Variants in CCDC141 observed in about 807,000 individuals in gnomAD.
CCDC141 encodes the protein coiled-coil domain-containing protein 141.
Under a neutral mutation model 181.0 loss-of-function variants are expected in CCDC141, and 168 were observed. The observed-to-expected ratio is 0.93, with a 90% confidence interval of 0.82 to 1.05. The LOEUF (loss-of-function observed/expected upper bound fraction) is 1.05. Ranked by LOEUF, CCDC141 falls within the 50% of genes least tolerant of loss-of-function variation. CCDC141 has a pLI of 0.00. For missense variants in CCDC141, 1,902 were observed against 1,788.5 expected (o/e 1.06, Z -1.14); for synonymous variants, 666 against 642.3 (o/e 1.04, Z -0.56).
chr2:179,016,043 C>G (rs1442081846), intron 2 of CCDC141, among the ~76,000 whole-genome samples: 1 of 149,022 alleles, frequency 6.7e-6, no homozygotes, highest in Non-Finnish European at 1.5e-5. Context: ...ACAGCATTCA[C>G]AATGACCTGG....
At chr2:178,888,431 G>T in intron 9 of CCDC141, 96 bp downstream of exon 9, 1 of 1,114,532 alleles carries the variant, frequency 9.0e-7, no homozygotes, top group Non-Finnish European at 1.3e-6. Flanking sequence ...AGCCTAAGGA[G>T]ACATGCCCCT....
chr2:179,030,697 A>G (rs1180748285), intron 2 of CCDC141, among the ~76,000 whole-genome samples: 2 of 152,106 alleles, frequency 1.3e-5, no homozygotes, highest in Non-Finnish European at 2.9e-5. Flanking sequence ...TAGTTACTAC[A>G]TACATATACA....
At chr2:179,048,554 G>A (rs1054883329) in intron 1 of CCDC141, among the ~76,000 whole-genome samples, 1 of 152,136 alleles carries the variant, frequency 6.6e-6, no homozygotes, top group Non-Finnish European at 1.5e-5. Flanking sequence ...TGAGGAAATG[G>A]AAAGTTAACT....
intron 8 of CCDC141, among the ~76,000 whole-genome samples, chr2:178,898,168 T>A (rs1024911514): frequency 6.6e-6 from 1 of 152,210 alleles, no homozygotes; most frequent in Non-Finnish European, 1.5e-5. Flanking sequence ...AATGTATGTT[T>A]CATAAGACTG....
intron 2 of CCDC141, chr2:179,002,811 T>G (rs1440522659): frequency 1.3e-5 from 2 of 153,314 alleles, no homozygotes; most frequent in African/African-American, 4.8e-5. Flanking sequence ...CAGACTACAC[T>G]CCCCAGAAAG....
intron 11 of CCDC141, among the ~76,000 whole-genome samples, chr2:178,883,051 T>A (rs1439627988): frequency 6.6e-6 from 1 of 152,200 alleles, no homozygotes; most frequent in Non-Finnish European, 1.5e-5. Flanking sequence ...ATGTTTTGAT[T>A]AAATTGTTGT....
intron 2 of CCDC141, among the ~76,000 whole-genome samples, chr2:179,037,197 C>T (rs1190330675): frequency 6.6e-6 from 1 of 152,182 alleles, no homozygotes; most frequent in African/African-American, 2.4e-5. Flanking sequence ...GAGGCTTCCC[C>T]AGTCTCACCA....
intron 4 of CCDC141, among the ~76,000 whole-genome samples, chr2:178,969,513 A>C (rs1690788670): frequency 6.6e-6 from 1 of 152,234 alleles, no homozygotes; most frequent in Non-Finnish European, 1.5e-5. Flanking sequence ...AACAGAACCA[A>C]TGACAAAAAA....
At chr2:178,896,304 A>T (rs1014053666) in intron 8 of CCDC141, among the ~76,000 whole-genome samples, 2 of 152,008 alleles carry the variant, frequency 1.3e-5, no homozygotes, top group Non-Finnish European at 2.9e-5. Flanking sequence ...CCCTTCTCTG[A>T]AGAAGTGACC....
Position 179,015,551 on chromosome 2 carries a change from C to CATATATCTTATATGATATAT in CCDC141, c.225+31732_225+31733insATATATCATATAAGATATAT, listed in dbSNP as rs151332465. ...TCTCATATATATGATATATATATCT[C>CATATATCTTATATGATATAT]ATATCTCATATATATCTCATATATC... On this transcript the variant is annotated intron_variant, in intron 2 of 23. Coordinates refer to ENST00000443758, the MANE Select transcript of CCDC141 (RefSeq NM_173648.4). Among the ~76,000 whole-genome samples the CATATATCTTATATGATATAT allele has an allele frequency of 9.3e-5, 3 of 32,394 alleles. No individual in the cohort carries two copies. In the East Asian group the frequency reaches 3.0e-3, roughly 32 times the overall value. 21.3% of individuals were successfully genotyped at this position (32,394 alleles called of 152,430 possible). A position where few individuals can be genotyped will look rare whatever the true frequency, so the allele number is the denominator to read the frequency against.
At chr2:178,858,073 G>A (rs1196874457) in intron 17 of CCDC141, among the ~76,000 whole-genome samples, 1 of 151,922 alleles carries the variant, frequency 6.6e-6, no homozygotes, top group Non-Finnish European at 1.5e-5. Flanking sequence ...TAGTTTATAT[G>A]GTAAATAAAG....
intron 6 of CCDC141, among the ~76,000 whole-genome samples, chr2:178,939,499 C>CT (rs1430167583): frequency 6.6e-6 from 1 of 151,978 alleles, no homozygotes; most frequent in African/African-American, 2.4e-5. Context: ...CACTTTCTAC[C>CT]TTTTTTGGAT....
At chr2:178,822,584 G>C in the CCDC141 span, among the ~76,000 whole-genome samples, 1 of 152,062 alleles carries the variant, frequency 6.6e-6, no homozygotes. Context: ...TATAAAATTA[G>C]TGTTCCACTA....
In CCDC141 at chr2:178,871,007, C is replaced by G. The variant is rs148677060; in HGVS notation, c.2205+420G>C. 3.8e-3 allele frequency among the ~76,000 whole-genome samples: 576 copies of G among 152,158 alleles called. 5 individuals are homozygous for G. Among genetic ancestry groups the G allele is most frequent in the African/African-American group, 0.013 (537 of 41,522 alleles). On this transcript the variant is annotated intron_variant, in intron 14 of 23. Transcript: ENST00000443758. ...TGCCTGGGGTGCTGGTGGGTGAGGA[C>G]AGTGACATAACAGTGGTCACCTCAG...
chr2:178,846,923 A>G (rs1170358307), intron 21 of CCDC141, among the ~76,000 whole-genome samples: 1 of 152,212 alleles, frequency 6.6e-6, no homozygotes, highest in Non-Finnish European at 1.5e-5. Context: ...GGAATTGCTG[A>G]GCCCATTTTC....
intron 2 of CCDC141, among the ~76,000 whole-genome samples, chr2:179,046,115 T>A (rs2043489807): frequency 6.6e-6 from 1 of 152,206 alleles, no homozygotes; most frequent in African/African-American, 2.4e-5. Flanking sequence ...AAGAAAACAG[T>A]AATATTAAAG....
At chr2:178,915,197 G>A (rs1429142014) in intron 7 of CCDC141, among the ~76,000 whole-genome samples, 1 of 151,542 alleles carries the variant, frequency 6.6e-6, no homozygotes, top group Admixed American at 6.6e-5. Context: ...AAGAAAGAAA[G>A]AAAATGAAAG....
intron 2 of CCDC141, among the ~76,000 whole-genome samples, chr2:179,046,071 A>G (rs77215046): frequency 0.044 from 6,761 of 152,320 alleles, 166 homozygotes; most frequent in African/African-American, 0.063. Flanking sequence ...TTCTAAATCT[A>G]GAAAGCAAGT....
intron 17 of CCDC141, among the ~76,000 whole-genome samples, chr2:178,861,834 T>A (rs1230171502): frequency 1.3e-5 from 2 of 152,164 alleles, no homozygotes; most frequent in Non-Finnish European, 2.9e-5. Context: ...TGAGTGAATA[T>A]AATGGAGTCC....
Sources: allele counts gnomAD v4.1 joint callset (sites outside exome capture counted in the v4.1 genomes callset), GRCh38; gene constraint gnomAD v4.1.1; transcripts MANE v1.5; gene names NCBI Gene and HGNC (gene_info 2026-07-23, HGNC 2026-07-21).